The following PYGB variants were observed in gnomAD, a reference collection of about 807,000 sequenced individuals.
PYGB encodes the protein glycogen phosphorylase B.
PYGB carries 82 observed loss-of-function variants against 94.3 expected under a neutral mutation model. The observed-to-expected ratio is 0.87, with a 90% CI of 0.73 to 1.04. PYGB has a LOEUF of 1.04. Ranked by LOEUF, PYGB falls within the 50% of genes least tolerant of loss-of-function variation. The pLI is 0.00. For missense variants in PYGB, 1,132 were observed against 1,158.2 expected, an observed-to-expected ratio of 0.98 and a Z score of 0.33; for synonymous variants, 488 against 479.1, an observed-to-expected ratio of 1.02 and a Z score of -0.24.
chr20:25,249,805 C>G (rs149580561), intron 1 of PYGB, among the ~76,000 whole-genome samples: 1 of 152,028 alleles, frequency 6.6e-6, no homozygotes, highest in Non-Finnish European at 1.5e-5. Context: ...AGCAGTGGCT[C>G]CCCCAGAATT....
chr20:25,259,594 G>A (rs923857057), intron 2 of PYGB, among the ~76,000 whole-genome samples: 2 of 152,162 alleles, frequency 1.3e-5, no homozygotes, highest in Non-Finnish European at 2.9e-5. Context: ...GGTTCTAGAG[G>A]CCATCCCACA....
chr20:25,248,751 G>T (rs1336978685), intron 1 of PYGB, among the ~76,000 whole-genome samples: 1 of 152,196 alleles, frequency 6.6e-6, no homozygotes, highest in Non-Finnish European at 1.5e-5. Flanking sequence ...GCTGGCTGCA[G>T]AGCCGGTGCT....
At chr20:25,292,675 T>G in intron 17 of PYGB, 62 bp downstream of exon 17, 1 of 1,546,978 alleles carries the variant, frequency 6.5e-7, no homozygotes, top group East Asian at 2.3e-5. Flanking sequence ...GGTGTTGGGC[T>G]GGGGGCATTG....
At chr20:25,265,825 G>A (rs1045539323) in intron 2 of PYGB, among the ~76,000 whole-genome samples, 1 of 146,062 alleles carries the variant, frequency 6.8e-6, no homozygotes, top group Non-Finnish European at 1.6e-5. Flanking sequence ...TTGATCTCCT[G>A]ACCTTGTGAT....
At chr20:25,280,832 C>G in intron 10 of PYGB, 117 bp from the exon 11 acceptor site, 1 of 1,362,056 alleles carries the variant, frequency 7.3e-7, no homozygotes, top group South Asian at 1.3e-5. Flanking sequence ...CCAGAACTTC[C>G]CTGGAGGCAG....
rs202175497 is a variant in PYGB at position 25,296,756 on chromosome 20, C to T, written c.*234C>T. 2.0e-5 allele frequency: 11 copies of T among 557,680 alleles called. No homozygotes were observed. Among genetic ancestry groups the T allele is most frequent in the South Asian group, 4.5e-5 (2 of 44,882 alleles). The allele number at this position is 557,680 out of a possible 1,614,324, so 34.5% of individuals were successfully genotyped here. A position where few individuals can be genotyped will look rare whatever the true frequency, so the allele number is the denominator to read the frequency against. On this transcript the variant is annotated 3_prime_UTR_variant, in exon 20 of 20. Coordinates refer to ENST00000216962, the MANE Select transcript of PYGB (RefSeq NM_002862.4). The stretch of plus-strand genomic sequence containing the variant: ...AGCCAGAGTTGACAGTACAAAGGGT[C>T]GTGGCCAGCCCTGCAGCTTCAGCAC...
chr20:25,260,475 A>G (rs899743205), intron 2 of PYGB, among the ~76,000 whole-genome samples: 12 of 152,240 alleles, frequency 7.9e-5, no homozygotes, highest in Admixed American at 2.0e-4. Flanking sequence ...GCAAGCATGT[A>G]TCCTTTTAAA....
intron 9 of PYGB, among the ~76,000 whole-genome samples, 199 bp downstream of exon 9, chr20:25,279,348 G>A (rs929670639): frequency 1.3e-5 from 2 of 152,080 alleles, no homozygotes; most frequent in African/African-American, 4.8e-5. Context: ...TGGGGTCAGG[G>A]CGCGGGGGAG....
At chr20:25,262,960 A>G (rs1317335450) in intron 2 of PYGB, among the ~76,000 whole-genome samples, 1 of 152,232 alleles carries the variant, frequency 6.6e-6, no homozygotes, top group Non-Finnish European at 1.5e-5. Flanking sequence ...ACCCAGATTC[A>G]TAAAGCAAGT....
At chr20:25,279,863 A>G (rs1191957869) in intron 9 of PYGB, among the ~76,000 whole-genome samples, 1 of 152,208 alleles carries the variant, frequency 6.6e-6, no homozygotes, top group East Asian at 1.9e-4. Flanking sequence ...AGTTCTGGCC[A>G]GCATAGGGCA....
Position 25,248,432 on chromosome 20 carries a change from GC to G in PYGB, c.243+15del, listed in dbSNP as rs2123498740. 1 of 1,434,884 alleles carries G rather than the reference GC, an allele frequency of 7.0e-7. No homozygotes were observed. The allele number at this position is 1,434,884 out of a possible 1,614,324, so 88.9% of individuals were successfully genotyped here. ...GAGCGCGACCCCAAGGTGAGGCGCTGCCCCGCCCTGTGCGCCCGTGCCCGCT... is the reference window on the plus strand; with the variant it reads ...GAGCGCGACCCCAAGGTGAGGCGCTGCCCGCCCTGTGCGCCCGTGCCCGCT... On this transcript the variant is annotated intron_variant, in intron 1 of 19. Coordinates refer to ENST00000216962, the MANE Select transcript of PYGB (RefSeq NM_002862.4).
intron 9 of PYGB, 53 bp downstream of exon 9, chr20:25,279,202 A>ACT: frequency 6.4e-7 from 1 of 1,557,574 alleles, no homozygotes; most frequent in Non-Finnish European, 8.8e-7. Context: ...GCCCGTGCAG[A>ACT]CCAGGGCTAC....
rs1473794474 is a variant in PYGB, at chr20:25,297,382, C to G, written c.*860C>G. 1 of 152,462 alleles carries G rather than the reference C, an allele frequency of 6.6e-6. No homozygotes were observed. 9.4% of individuals were successfully genotyped at this position (152,462 alleles called of 1,614,324 possible). A position where few individuals can be genotyped will look rare whatever the true frequency, so the allele number is the denominator to read the frequency against. ...TTGGTCACTTTTGTGCTTGAGGAGG[C>G]CCATTTTCTGCCTGGCAGGGGGCAG... On this transcript the variant is annotated 3_prime_UTR_variant, in exon 20 of 20. Coordinates refer to ENST00000216962, the MANE Select transcript of PYGB (RefSeq NM_002862.4).
chr20:25,289,125 A>C (rs1269196887), intron 15 of PYGB, among the ~76,000 whole-genome samples: 1 of 152,210 alleles, frequency 6.6e-6, no homozygotes, highest in Non-Finnish European at 1.5e-5. Flanking sequence ...GCCTGTGTGC[A>C]GCCTGAAGGC....
rs1382931191 is a variant in PYGB at position 25,248,256 on chromosome 20, C to G, written c.78C>G (p.Ala26=). 1 of 1,599,214 alleles carries G rather than the reference C, an allele frequency of 6.3e-7. No homozygotes were observed. Among genetic ancestry groups the G allele is most frequent in the African/African-American group, 1.4e-5 (1 of 73,504 alleles). ...GCCTGGCGGGGCTAGGCGACGTGGC[C>G]GAGGTGCGGAAGAGCTTCAACCGGC... ...VRGLAGLGDV[A]EVRKSFNRHL... Residue 26 remains alanine (A), a synonymous_variant, in exon 1 of 20, where the codon GCC becomes GCG. Transcript: ENST00000216962.
At chr20:25,282,225 G>A in intron 12 of PYGB, 78 bp downstream of exon 12, 1 of 1,238,376 alleles carries the variant, frequency 8.1e-7, no homozygotes, top group Non-Finnish European at 1.1e-6. Flanking sequence ...CCCCTGCTGA[G>A]CGGTTGCTGA....
intron 7 of PYGB, among the ~76,000 whole-genome samples, chr20:25,278,088 C>T (rs938224930): frequency 7.6e-5 from 10 of 130,760 alleles, no homozygotes; most frequent in African/African-American, 2.0e-4. Context: ...TCCTGAGCAG[C>T]GCTGGCACTG....
Position 25,280,415 on chromosome 20 carries a change from G to A in PYGB, c.1239+3G>A. The A allele has an allele frequency of 1.2e-6, 2 of 1,613,952 alleles. No individual in the cohort carries two copies. Among genetic ancestry groups the A allele is most frequent in the Non-Finnish European group, 1.7e-6 (2 of 1,179,956 alleles). ...CCATCAACCAGCGGCACCTGGACGT[G>A]AGTGTGGGCCCAGCTGGCCGTGTAG... On this transcript the variant is annotated splice_donor_region_variant and intron_variant, in intron 10 of 19. Transcript: ENST00000216962.
In PYGB at chr20:25,282,329, C is replaced by T. The variant is rs959974821; in HGVS notation, c.1518+182C>T. On this transcript the variant is annotated intron_variant, in intron 12 of 19. Transcript: ENST00000216962. ...ATGGGCGCTGAGCTGGGCAGTCACC[C>T]ATTGGGCCTGGCGGGTCCTGTGTGC... Among the ~76,000 whole-genome samples, 33 of 152,246 alleles carry T rather than the reference C, an allele frequency of 2.2e-4. 1 individual carries two copies. The highest frequency in any genetic ancestry group is 2.9e-5 in the Non-Finnish European group (2 of 68,042).
Sources: allele counts gnomAD v4.1 joint callset (sites outside exome capture counted in the v4.1 genomes callset), GRCh38; gene constraint gnomAD v4.1.1; transcripts MANE v1.5; gene names NCBI Gene and HGNC (gene_info 2026-07-23, HGNC 2026-07-21).